ZFP36L2: variants seen among roughly 807,000 people sequenced by gnomAD.
The protein encoded by ZFP36L2 is ZFP36 like 2 zinc finger CCCH-type.
Under a neutral mutation model 27.9 loss-of-function variants are expected in ZFP36L2, and 16 were observed. The observed-to-expected ratio is 0.57, with a 90% CI of 0.39 to 0.87. The LOEUF (loss-of-function observed/expected upper bound fraction) is 0.87. ZFP36L2 is among the 40% of genes least tolerant of loss of function. ZFP36L2 has a pLI of 0.00. For missense variants in ZFP36L2, 989 were observed against 726.9 expected, an observed-to-expected ratio of 1.36 and a Z score of -4.15; for synonymous variants, 600 against 363.8, an observed-to-expected ratio of 1.65 and a Z score of -7.39.
rs761947888 is a variant in ZFP36L2 at position 43,225,732 on chromosome 2, G to A, written c.72C>T (p.Asn24=). The part of the protein sequence containing the change: ...FLCKTEKSLA[N]LNLNNMLDKK... ...TGTCCAGCATGTTGTTCAGGTTGAG[G>A]TTGGCCAGGGATTTCTCTGTCTGCC... The change falls in exon 2 of 2, where the codon AAC becomes AAT. Residue 24 remains asparagine (N), a synonymous_variant. Coordinates refer to ENST00000282388, the MANE Select transcript of ZFP36L2 (RefSeq NM_006887.5). 5.6e-6 allele frequency: 9 copies of A among 1,593,668 alleles called. No homozygotes were observed. The East Asian group carries it at 6.8e-5, about 12-fold the overall frequency.
chr2:43,222,648 G>C lies in ZFP36L2; in HGVS notation c.*1671C>G, dbSNP rs551158188. ...ATCTGCTGTCCAGGAAAGCTTAGGA[G>C]ACATTCCTGCCTTTCTACATGGAAA... On this transcript the variant is annotated 3_prime_UTR_variant, in exon 2 of 2. Transcript: ENST00000282388. The C allele has an allele frequency of 1.3e-5, 2 of 152,256 alleles. No individual in the cohort carries two copies. The highest frequency in any genetic ancestry group is 2.9e-5 in the Non-Finnish European group (2 of 68,026). The allele number at this position is 152,256 out of a possible 1,614,324, so 9.4% of individuals were successfully genotyped here.
chr2:43,225,391 T>TGCA lies in ZFP36L2; in HGVS notation c.410_412dup (p.Leu137dup), dbSNP rs1667068233. ...GCCGCCGCCCCCCTTCTGCTGCTGC[T>TGCA]GCAGGTGCAGGAGGTGCTGGCTGCG... is the stretch of plus-strand genomic sequence containing the variant. On this transcript the variant is annotated inframe_insertion, in exon 2 of 2. Transcript: ENST00000282388. The TGCA allele has an allele frequency of 5.6e-6, 9 of 1,613,246 alleles. No homozygotes were observed. Among genetic ancestry groups the TGCA allele is most frequent in the Non-Finnish European group, 7.6e-6 (9 of 1,179,842 alleles).
In ZFP36L2 at chr2:43,222,681, A is replaced by T. The variant is rs1269727351; in HGVS notation, c.*1638T>A. 1.3e-5 allele frequency: 2 copies of T among 152,372 alleles called. No homozygotes were observed. The highest frequency in any genetic ancestry group is 2.4e-5 in the African/African-American group (1 of 41,460). The allele number at this position is 152,372 out of a possible 1,614,324, so 9.4% of individuals were successfully genotyped here. A position where few individuals can be genotyped will look rare whatever the true frequency, so the allele number is the denominator to read the frequency against. ...TGCCTTTCTACATGGAAAAAAAAAT[A>T]GTACAAGTTTTGGAATTTTCTGTAA... is the stretch of plus-strand genomic sequence containing the variant. On this transcript the variant is annotated 3_prime_UTR_variant, in exon 2 of 2. Transcript: ENST00000282388.
rs749014951 is a variant in ZFP36L2 at position 43,222,653 on chromosome 2, TCCTG to T, written c.*1662_*1665del. On this transcript the variant is annotated 3_prime_UTR_variant, in exon 2 of 2. Coordinates refer to ENST00000282388, the MANE Select transcript of ZFP36L2 (RefSeq NM_006887.5). ...CTGTCCAGGAAAGCTTAGGAGACAT[TCCTG>T]CCTTTCTACATGGAAAAAAAAATAG... 5 of 152,354 alleles carry T rather than the reference TCCTG, an allele frequency of 3.3e-5. No individual in the cohort carries two copies. Among genetic ancestry groups the T allele is most frequent in the Non-Finnish European group, 5.9e-5 (4 of 68,030 alleles). The allele number at this position is 152,354 out of a possible 1,614,324, so 9.4% of individuals were successfully genotyped here.
Position 43,226,512 on chromosome 2 carries a change from G to T in ZFP36L2, c.-197C>A, listed in dbSNP as rs1667110480. 3.2e-6 allele frequency: 2 copies of T among 632,016 alleles called. No individual in the cohort carries two copies. Among genetic ancestry groups the T allele is most frequent in the African/African-American group, 2.0e-5 (1 of 50,676 alleles). 39.2% of individuals were successfully genotyped at this position (632,016 alleles called of 1,614,324 possible). ...AGGGTCCGGCGGAGTGCGGCAGGGG[G>T]GAAGGAGAGAAGCGAGGAGCGCTCC... On this transcript the variant is annotated 5_prime_UTR_variant, in exon 1 of 2. Transcript: ENST00000282388.
chr2:43,226,071 A>T (rs1667092841), intron 1 of ZFP36L2, among the ~76,000 whole-genome samples, 194 bp downstream of exon 1: 1 of 152,012 alleles, frequency 6.6e-6, no homozygotes, highest in Non-Finnish European at 1.5e-5. Context: ...GGCAGTGGAG[A>T]AACTCAACCG....
Position 43,225,675 on chromosome 2 carries a change from G to A in ZFP36L2, c.129C>T (p.Ala43=). 1 of 1,591,926 alleles carries A rather than the reference G, an allele frequency of 6.3e-7. No homozygotes were observed. The highest frequency in any genetic ancestry group is 8.5e-7 in the Non-Finnish European group (1 of 1,177,224). The change falls in exon 2 of 2, where the codon GCC becomes GCT. Residue 43 remains alanine (A), a synonymous_variant. Coordinates refer to ENST00000282388, the MANE Select transcript of ZFP36L2 (RefSeq NM_006887.5). Reference sequence around the variant, plus strand: ...ATCCCGGCGCGAAGCCCGAGCTGGGGGCGGCGGCCACAGGCGTCCCCACCG... The same window carrying A: ...ATCCCGGCGCGAAGCCCGAGCTGGGAGCGGCGGCCACAGGCGTCCCCACCG... ...KKAVGTPVAA[A]PSSGFAPGFL...
intron 1 of ZFP36L2, 34 bp downstream of exon 1, chr2:43,226,231 G>C (rs375492308): frequency 1.3e-6 from 2 of 1,560,176 alleles, no homozygotes. Context: ...GAACTACAAC[G>C]GCTGCTGCCG....
chr2:43,225,150 C>T lies in ZFP36L2; in HGVS notation c.654G>A (p.Ala218=). The stretch of plus-strand genomic sequence containing the variant: ...CCGACGGCGCGGGCCGCCGCTCGTC[C>T]GCGTTGTGGATGAAGTGGCAGCGCG... ...YGPRCHFIHN[A]DERRPAPSGG... The change falls in exon 2 of 2, where the codon GCG becomes GCA. Residue 218 remains alanine (A), a synonymous_variant. Transcript: ENST00000282388. 1.3e-6 allele frequency: 2 copies of T among 1,594,928 alleles called. No homozygotes were observed. Among genetic ancestry groups the T allele is most frequent in the Non-Finnish European group, 1.7e-6 (2 of 1,178,344 alleles).
rs1667051116 is a variant in ZFP36L2 at position 43,224,823 on chromosome 2, G to T, written c.981C>A (p.Ala327=). ...CGTACAGCAGAGCGGCCGCAGCCGC[G>T]GCCGCCGCGGAGGCGCAGCATGTCG... ...GAPTCCASAA[A]AAAAALLYGT... Residue 327 remains alanine, a synonymous_variant, in exon 2 of 2, where the codon GCC becomes GCA. Coordinates refer to ENST00000282388, the MANE Select transcript of ZFP36L2 (RefSeq NM_006887.5). 2.1e-6 allele frequency: 3 copies of T among 1,422,108 alleles called. No individual in the cohort carries two copies. Among genetic ancestry groups the T allele is most frequent in the African/African-American group, 3.1e-5 (2 of 65,520 alleles). The allele number at this position is 1,422,108 out of a possible 1,614,324, so 88.1% of individuals were successfully genotyped here. A position where few individuals can be genotyped will look rare whatever the true frequency, so the allele number is the denominator to read the frequency against.
rs1667110573 is a variant in ZFP36L2 at position 43,226,514 on chromosome 2, A to T, written c.-199T>A. On this transcript the variant is annotated 5_prime_UTR_variant, in exon 1 of 2. Coordinates refer to ENST00000282388, the MANE Select transcript of ZFP36L2 (RefSeq NM_006887.5). ...GGTCCGGCGGAGTGCGGCAGGGGGGAAGGAGAGAAGCGAGGAGCGCTCCTC... is the reference window on the plus strand; with the variant it reads ...GGTCCGGCGGAGTGCGGCAGGGGGGTAGGAGAGAAGCGAGGAGCGCTCCTC... The T allele has an allele frequency of 8.2e-6, 5 of 606,962 alleles. No homozygotes were observed. Among genetic ancestry groups the T allele is most frequent in the Admixed American group, 3.5e-5 (1 of 28,398 alleles). The allele number at this position is 606,962 out of a possible 1,614,324, so 37.6% of individuals were successfully genotyped here.
rs1211884088 is a variant in ZFP36L2, at chr2:43,225,459, C to T, written c.345G>A (p.Lys115=). The T allele has an allele frequency of 6.2e-7, 1 of 1,611,158 alleles. No homozygotes were observed. The highest frequency in any genetic ancestry group is 8.5e-7 in the Non-Finnish European group (1 of 1,178,902). ...SGGGGTALLN[K]ENKFRDRSFS... ...ACGAGCGGTCCCGGAATTTGTTCTCCTTGTTGAGCAGGGCTGTGCCGCCGC... is the reference window on the plus strand; with the variant it reads ...ACGAGCGGTCCCGGAATTTGTTCTCTTTGTTGAGCAGGGCTGTGCCGCCGC... Residue 115 remains lysine, a synonymous_variant, in exon 2 of 2, where the codon AAG becomes AAA. Coordinates refer to ENST00000282388, the MANE Select transcript of ZFP36L2 (RefSeq NM_006887.5).
chr2:43,224,515 C>G lies in ZFP36L2; in HGVS notation c.1289G>C (p.Ser430Thr). Residue 430 changes from serine (S) to threonine (T), a missense_variant, in exon 2 of 2, where the codon AGC (serine) becomes ACC (threonine). Coordinates refer to ENST00000282388, the MANE Select transcript of ZFP36L2 (RefSeq NM_006887.5). ...GGACAGGCGGCGCGGCAGCTGGAAG[C>G]TGAAGGGCGGCGAGGGAGGTGCGGC... ...GAAAPPSPPFSFQLPRRLSDS... is the reference protein window; with the variant it reads ...GAAAPPSPPFTFQLPRRLSDS... 2.0e-6 allele frequency: 3 copies of G among 1,485,000 alleles called. No homozygotes were observed. Among genetic ancestry groups the G allele is most frequent in the South Asian group, 1.3e-5 (1 of 79,648 alleles). 92.0% of individuals were successfully genotyped at this position (1,485,000 alleles called of 1,614,324 possible).
Position 43,224,609 on chromosome 2 carries a change from G to C in ZFP36L2, c.1195C>G (p.Gln399Glu). 2 of 1,445,688 alleles carry C rather than the reference G, an allele frequency of 1.4e-6. No individual in the cohort carries two copies. The highest frequency in any genetic ancestry group is 2.9e-5 in the East Asian group (1 of 34,234). 89.6% of individuals were successfully genotyped at this position (1,445,688 alleles called of 1,614,324 possible). A position where few individuals can be genotyped will look rare whatever the true frequency, so the allele number is the denominator to read the frequency against. ...AAYYRSQQQQ[Q>E]QQGLAPPAQP... Reference sequence around the variant, plus strand: ...GCGGGGGGCGCCAGGCCCTGCTGCTGCTGCTGCTGCTGACTGCGGTAGTAG... The same window carrying C: ...GCGGGGGGCGCCAGGCCCTGCTGCTCCTGCTGCTGCTGACTGCGGTAGTAG... The change falls in exon 2 of 2, where the codon CAG becomes GAG. Residue 399 changes from glutamine to glutamate, a missense_variant. Physicochemically the swap from Gln to Glu is conservative, Grantham distance 29 (BLOSUM62 2). Transcript: ENST00000282388.
rs1249812094 is a variant in ZFP36L2 at position 43,226,597 on chromosome 2, G to A, written c.-282C>T. ...CGGAGCCGACGGCAGCTCGCGGACT[G>A]CTGGAACTCGGCGGCCTCCGAGCGC... On this transcript the variant is annotated 5_prime_UTR_variant, in exon 1 of 2. Coordinates refer to ENST00000282388, the MANE Select transcript of ZFP36L2 (RefSeq NM_006887.5). 2 of 464,206 alleles carry A rather than the reference G, an allele frequency of 4.3e-6. No homozygotes were observed. Among genetic ancestry groups the A allele is most frequent in the East Asian group, 4.1e-5 (1 of 24,158 alleles). The allele number at this position is 464,206 out of a possible 1,614,324, so 28.8% of individuals were successfully genotyped here.
Position 43,223,231 on chromosome 2 carries a change from TAC to T in ZFP36L2, c.*1086_*1087del, listed in dbSNP as rs1667005837. ...GGAAAGAAATTAATGAAATAAATATTACATACAATCTCTTAAATTAAGAATTT... is the reference window on the plus strand; with the variant it reads ...GGAAAGAAATTAATGAAATAAATATTATACAATCTCTTAAATTAAGAATTT... On this transcript the variant is annotated 3_prime_UTR_variant, in exon 2 of 2. Coordinates refer to ENST00000282388, the MANE Select transcript of ZFP36L2 (RefSeq NM_006887.5). The T allele has an allele frequency of 1.3e-5, 2 of 152,208 alleles. No homozygotes were observed. The highest frequency in any genetic ancestry group is 2.1e-4 in the South Asian group (1 of 4,812). The allele number at this position is 152,208 out of a possible 1,614,324, so 9.4% of individuals were successfully genotyped here. A position where few individuals can be genotyped will look rare whatever the true frequency, so the allele number is the denominator to read the frequency against.
chr2:43,225,009 C>A lies in ZFP36L2; in HGVS notation c.795G>T (p.Ser265=). 2 of 1,593,510 alleles carry A rather than the reference C, an allele frequency of 1.3e-6. No individual in the cohort carries two copies. The highest frequency in any genetic ancestry group is 1.7e-6 in the Non-Finnish European group (2 of 1,178,094). ...HHSLSFSGFP[S]GHHQPPGGLE... is the part of the protein sequence containing the mutation. ...GGCCGCCCGGGGGCTGATGGTGGCC[C>A]GACGGGAAGCCCGAGAAGCTGAGGC... The change falls in exon 2 of 2, where the codon TCG becomes TCT. Residue 265 remains serine, a synonymous_variant. Coordinates refer to ENST00000282388, the MANE Select transcript of ZFP36L2 (RefSeq NM_006887.5).
In ZFP36L2 at chr2:43,225,144, C is replaced by T. The variant is rs774132871; in HGVS notation, c.660G>A (p.Glu220=). The T allele has an allele frequency of 1.3e-6, 2 of 1,593,604 alleles. No individual in the cohort carries two copies. Among genetic ancestry groups the T allele is most frequent in the Non-Finnish European group, 1.7e-6 (2 of 1,177,714 alleles). The part of the protein sequence containing the change: ...PRCHFIHNAD[E]RRPAPSGGAS... ...CGCCCCCCGACGGCGCGGGCCGCCG[C>T]TCGTCCGCGTTGTGGATGAAGTGGC... is the stretch of plus-strand genomic sequence containing the variant. Residue 220 remains glutamate (E), a synonymous_variant, in exon 2 of 2, where the codon GAG becomes GAA. Coordinates refer to ENST00000282388, the MANE Select transcript of ZFP36L2 (RefSeq NM_006887.5).
At chr2:43,226,200 G>C in intron 1 of ZFP36L2, 65 bp downstream of exon 1, 1 of 1,545,540 alleles carries the variant, frequency 6.5e-7, no homozygotes, top group Non-Finnish European at 8.8e-7. Context: ...CCCAGAACCT[G>C]GGGACAGAGG....
Sources: gnomAD v4.1 joint callset for allele counts (sites outside exome capture counted in the v4.1 genomes callset) on GRCh38, gnomAD v4.1.1 for gene constraint, MANE v1.5 for transcripts, NCBI Gene and HGNC (gene_info 2026-07-23, HGNC 2026-07-21) for gene names.